The following CORO1C variants were observed in gnomAD, a reference collection of about 807,000 sequenced individuals.
CORO1C encodes the protein coronin 1C.
CORO1C carries 14 observed loss-of-function variants against 51.2 expected under a neutral mutation model. The observed-to-expected ratio is 0.27, with a 90% CI of 0.18 to 0.43. The LOEUF (loss-of-function observed/expected upper bound fraction) is 0.43, where lower values mean the gene tolerates loss of function less well. Ranked by LOEUF, CORO1C falls within the 20% of genes least tolerant of loss-of-function variation. The pLI is 1.00. For synonymous variants in CORO1C, 181 were observed against 210.5 expected (o/e 0.86, Z 1.21); for missense variants, 417 against 607.8 (o/e 0.69, Z 3.30).
At chr12:108,690,194 C>T (rs1254991382) in intron 2 of CORO1C, among the ~76,000 whole-genome samples, 1 of 152,152 alleles carries the variant, frequency 6.6e-6, no homozygotes, top group Non-Finnish European at 1.5e-5. Context: ...TGTGCACAGG[C>T]TGGTCCCTGA....
intron 4 of CORO1C, among the ~76,000 whole-genome samples, chr12:108,661,456 G>T (rs942332039): frequency 6.6e-6 from 1 of 152,156 alleles, no homozygotes; most frequent in African/African-American, 2.4e-5. Flanking sequence ...TTATGTATGT[G>T]CACAGAAATA....
intron 3 of CORO1C, among the ~76,000 whole-genome samples, chr12:108,669,531 A>C (rs2033629889): frequency 6.6e-6 from 1 of 152,218 alleles, no homozygotes; most frequent in African/African-American, 2.4e-5. Flanking sequence ...AGCGACCTGC[A>C]AATGCTCAGA....
intron 4 of CORO1C, 123 bp downstream of exon 4, chr12:108,661,906 C>CA (rs1421015686): frequency 9.3e-7 from 1 of 1,077,548 alleles, no homozygotes; most frequent in African/African-American, 1.6e-5. Context: ...TACTCTTCAC[C>CA]ATGGTTTCCT....
In CORO1C at chr12:108,646,485, T is replaced by C. The variant is rs1394463401; in HGVS notation, c.*918A>G. On this transcript the variant is annotated 3_prime_UTR_variant, in exon 11 of 11. Coordinates refer to ENST00000261401, the MANE Select transcript of CORO1C (RefSeq NM_014325.4). ...TGTCCTGGGCACCCTTGTCAAGTAT[T>C]GACCAAAACCTGAAACATGATGTTT... The C allele has an allele frequency of 6.6e-6, 1 of 152,226 alleles. No individual in the cohort carries two copies. The highest frequency in any genetic ancestry group is 1.5e-5 in the Non-Finnish European group (1 of 68,044). The allele number at this position is 152,226 out of a possible 1,614,324, so 9.4% of individuals were successfully genotyped here.
At chr12:108,672,410 C>T (rs556759416) in intron 3 of CORO1C, among the ~76,000 whole-genome samples, 11 of 151,724 alleles carry the variant, frequency 7.3e-5, no homozygotes, top group South Asian at 6.3e-4. Flanking sequence ...AGTTTTTTAA[C>T]GATTTTCAGT....
At chr12:108,718,602 A>C (rs1274166343) in intron 1 of CORO1C, among the ~76,000 whole-genome samples, 1 of 152,102 alleles carries the variant, frequency 6.6e-6, no homozygotes, top group Non-Finnish European at 1.5e-5. Context: ...TTAAAATAAA[A>C]ATCTCCCTAT....
At chr12:108,682,185 TA>T (rs1412923019) in intron 2 of CORO1C, among the ~76,000 whole-genome samples, 1 of 151,370 alleles carries the variant, frequency 6.6e-6, no homozygotes, top group Non-Finnish European at 1.5e-5. Context: ...ACAAATTTTT[TA>T]AGAAAAAAAA....
At chr12:108,719,499 C>T (rs558458348) in intron 1 of CORO1C, among the ~76,000 whole-genome samples, 1 of 152,292 alleles carries the variant, frequency 6.6e-6, no homozygotes, top group Admixed American at 6.5e-5. Flanking sequence ...ACAATTCACC[C>T]TATCTTAACT....
chr12:108,726,907 A>C (rs2035607136), intron 1 of CORO1C, among the ~76,000 whole-genome samples: 1 of 152,200 alleles, frequency 6.6e-6, no homozygotes, highest in Non-Finnish European at 1.5e-5. Context: ...GAAATGTTTT[A>C]AACACTCAGT....
chr12:108,685,126 A>T (rs114458379), intron 2 of CORO1C, among the ~76,000 whole-genome samples: 1,555 of 152,350 alleles, frequency 0.01, 31 homozygotes, highest in African/African-American at 0.035. Flanking sequence ...TCTTAATTAC[A>T]TACTAAGAAG....
intron 3 of CORO1C, among the ~76,000 whole-genome samples, chr12:108,663,986 A>G (rs1212485418): frequency 6.6e-6 from 1 of 152,246 alleles, no homozygotes; most frequent in African/African-American, 2.4e-5. Context: ...TTTATGTTTA[A>G]CAATGAACAA....
At chr12:108,707,871 T>C (rs905248011) in intron 1 of CORO1C, among the ~76,000 whole-genome samples, 17 of 152,158 alleles carry the variant, frequency 1.1e-4, no homozygotes, top group African/African-American at 4.1e-4. Context: ...CCAATACACA[T>C]GAAAAGTTGC....
intron 1 of CORO1C, among the ~76,000 whole-genome samples, chr12:108,713,404 T>C (rs2035239007): frequency 6.6e-6 from 1 of 152,236 alleles, no homozygotes; most frequent in African/African-American, 2.4e-5. Context: ...ATGTATTACA[T>C]AGCCTTCCAA....
chr12:108,682,500 A>G (rs1007343954), intron 2 of CORO1C, among the ~76,000 whole-genome samples: 4 of 152,216 alleles, frequency 2.6e-5, no homozygotes, highest in Non-Finnish European at 5.9e-5. Context: ...TATTGCCACT[A>G]TAAACTGTAA....
chr12:108,713,779 A>T (rs1279555873), intron 1 of CORO1C, among the ~76,000 whole-genome samples: 1 of 152,204 alleles, frequency 6.6e-6, no homozygotes, highest in Non-Finnish European at 1.5e-5. Flanking sequence ...CCAACAATCA[A>T]TCCCGAATCA....
chr12:108,712,881 T>C (rs1256340494), intron 1 of CORO1C, among the ~76,000 whole-genome samples: 1 of 136,652 alleles, frequency 7.3e-6, no homozygotes, highest in Non-Finnish European at 1.5e-5. Context: ...GCTATGATCA[T>C]GCCACTGCAC....
At chr12:108,676,669 G>A (rs960711660) in intron 3 of CORO1C, among the ~76,000 whole-genome samples, 2 of 151,992 alleles carry the variant, frequency 1.3e-5, no homozygotes, top group African/African-American at 2.4e-5. Context: ...CTACTCGGGA[G>A]GCTGAGGCAG....
intron 1 of CORO1C, among the ~76,000 whole-genome samples, chr12:108,728,519 C>CATTTTAGAACATTTGT (rs2035643861): frequency 6.6e-6 from 1 of 152,090 alleles, no homozygotes; most frequent in South Asian, 2.1e-4. Context: ...CTAAAATTGA[C>CATTTTAGAACATTTGT]TGTGGTGACA....
chr12:108,649,825 C>G (rs1486527380), intron 8 of CORO1C, among the ~76,000 whole-genome samples: 1 of 152,206 alleles, frequency 6.6e-6, no homozygotes, highest in Non-Finnish European at 1.5e-5. Context: ...CTGGCCAGAT[C>G]ACCAGATCAA....
Sources: gnomAD v4.1 joint callset for allele counts (sites outside exome capture counted in the v4.1 genomes callset) on GRCh38, gnomAD v4.1.1 for gene constraint, MANE v1.5 for transcripts, NCBI Gene and HGNC (gene_info 2026-07-23, HGNC 2026-07-21) for gene names.